Variants in SYNE1 observed in about 807,000 individuals in gnomAD.
SYNE1 encodes nesprin-1.
Under a neutral mutation model 1,111.0 loss-of-function variants are expected in SYNE1, and 616 were observed. The ratio of observed to expected loss-of-function variants is 0.55; its 90% CI spans 0.52 to 0.59. The LOEUF (loss-of-function observed/expected upper bound fraction) is 0.59. Among genes scored for constraint, SYNE1 ranks in the 20% least tolerant of loss-of-function variants. SYNE1 has a pLI of 0.00. For synonymous variants in SYNE1, 3,855 were observed against 3,825.8 expected (o/e 1.01, Z -0.28); for missense variants, 10,006 against 10,417.0 (o/e 0.96, Z 1.72).
At chr6:152,238,987 C>A (rs1320283205) in intron 108 of SYNE1, among the ~76,000 whole-genome samples, 1 of 151,916 alleles carries the variant, frequency 6.6e-6, no homozygotes, top group African/African-American at 2.4e-5. Context: ...CAACCACTGC[C>A]TCCCGGTTCA....
chr6:152,479,194 G>A (rs1008216286), intron 14 of SYNE1, among the ~76,000 whole-genome samples: 4 of 152,120 alleles, frequency 2.6e-5, no homozygotes, highest in African/African-American at 9.7e-5. Flanking sequence ...GATCCTGGGG[G>A]AAGAGGTCAA....
chr6:152,554,307 G>T (rs1263840231), intron 3 of SYNE1, among the ~76,000 whole-genome samples: 20 of 151,754 alleles, frequency 1.3e-4, no homozygotes, highest in Non-Finnish European at 1.5e-5. Flanking sequence ...ATTCAAAGGG[G>T]GTCAAGATTT....
At chr6:152,593,634 T>C (rs9479355) in intron 3 of SYNE1, among the ~76,000 whole-genome samples, 5,532 of 152,104 alleles carry the variant, frequency 0.036, 346 homozygotes, top group African/African-American at 0.13. Flanking sequence ...ATTCAAGGAC[T>C]CTATAGTTGT....
chr6:152,593,579 T>TA (rs1048753132), intron 3 of SYNE1, among the ~76,000 whole-genome samples: 201 of 146,324 alleles, frequency 1.4e-3, no homozygotes, highest in Middle Eastern at 3.4e-3. Context: ...GAGACTCCTT[T>TA]AAAAAAAAAA....
chr6:152,462,925 G>GCAT (rs769755363), intron 19 of SYNE1, 35 bp from the exon 20 acceptor site: 15 of 1,612,816 alleles, frequency 9.3e-6, no homozygotes, highest in Non-Finnish European at 1.3e-5. Flanking sequence ...CATCGTGAAA[G>GCAT]CCATTTAGCT....
Position 152,354,921 on chromosome 6 carries a change from G to T in SYNE1, c.10664C>A (p.Thr3555Asn), listed in dbSNP as rs1286347293. ...ACCTGATGGGATCACATCCTCTCTG[G>T]TGTGCAGCACTGAGTTCAACAGGGC... ...GQALLNSVLH[T>N]REDVIPSGIP... The change falls in exon 67 of 146, where the codon ACC becomes AAC. Residue 3555 changes from threonine (T) to asparagine (N), a missense_variant. By Grantham distance (65) the Thr-to-Asn change is moderately conservative. Coordinates refer to ENST00000367255, the MANE Select transcript of SYNE1 (RefSeq NM_182961.4). The T allele has an allele frequency of 1.2e-6, 2 of 1,613,972 alleles. No homozygotes were observed. The highest frequency in any genetic ancestry group is 8.5e-7 in the Non-Finnish European group (1 of 1,180,030).
chr6:152,253,384 T>A (rs2089868701), intron 104 of SYNE1, among the ~76,000 whole-genome samples: 1 of 152,214 alleles, frequency 6.6e-6, no homozygotes, highest in South Asian at 2.1e-4. Context: ...TATCAGGCAC[T>A]GTTCAGAGTA....
chr6:152,303,098 C>CTTTTTT (rs71017533), intron 91 of SYNE1, among the ~76,000 whole-genome samples: 4 of 107,082 alleles, frequency 3.7e-5, no homozygotes, highest in Admixed American at 1.1e-4. Flanking sequence ...AACTATTATT[C>CTTTTTT]TTTTTTTTTT....
chr6:152,320,248 T>C (rs2095840713), intron 84 of SYNE1: 1 of 152,230 alleles, frequency 6.6e-6, no homozygotes, highest in Admixed American at 6.5e-5. Context: ...ATCAATTAAA[T>C]ACTTAAAATA....
chr6:152,339,191 A>C (rs771355530), intron 75 of SYNE1, 50 bp downstream of exon 75: 2 of 1,605,870 alleles, frequency 1.2e-6, no homozygotes, highest in East Asian at 4.5e-5. Flanking sequence ...CATTCAAGCA[A>C]GAGAATATAA....
rs2051576496 is a variant in SYNE1 at position 152,122,310 on chromosome 6, G to A, written c.*126C>T. The A allele has an allele frequency of 3.4e-6, 5 of 1,476,964 alleles. No individual in the cohort carries two copies. The highest frequency in any genetic ancestry group is 2.4e-4 in the Middle Eastern group (1 of 4,206). 91.5% of individuals were successfully genotyped at this position (1,476,964 alleles called of 1,614,324 possible). A position where few individuals can be genotyped will look rare whatever the true frequency, so the allele number is the denominator to read the frequency against. ...TAATTTGCACACATGTGATCTGGAG[G>A]AGGGCTAAAGCTGCCACACCGAGGG... On this transcript the variant is annotated 3_prime_UTR_variant, in exon 146 of 146. Transcript: ENST00000367255.
chr6:152,407,291 A>G, intron 44 of SYNE1, 95 bp from the exon 45 acceptor site: 2 of 1,237,564 alleles, frequency 1.6e-6, no homozygotes, highest in South Asian at 2.5e-5. Flanking sequence ...TCAGAAAAGT[A>G]TATTCTGACG....
At chr6:152,627,729 G>T (rs553869434) in intron 3 of SYNE1, among the ~76,000 whole-genome samples, 16 of 152,236 alleles carry the variant, frequency 1.1e-4, no homozygotes, top group African/African-American at 2.9e-4. Flanking sequence ...AGGGATGCAG[G>T]ACTAGTCTGT....
At chr6:152,397,017 T>C in intron 49 of SYNE1, 37 bp from the exon 50 acceptor site, 2 of 1,594,878 alleles carry the variant, frequency 1.3e-6, no homozygotes, top group Non-Finnish European at 1.7e-6. Context: ...TCCATGGGAC[T>C]ATGCATTACA....
chr6:152,304,300 A>G (rs909175270), intron 91 of SYNE1, among the ~76,000 whole-genome samples: 1 of 152,310 alleles, frequency 6.6e-6, no homozygotes, highest in East Asian at 1.9e-4. Flanking sequence ...ATGGTTTGCC[A>G]TTATACAAAA....
In SYNE1 at chr6:152,353,913, A is replaced by G. The variant is rs555127253; in HGVS notation, c.10927-169T>C. On this transcript the variant is annotated intron_variant, in intron 67 of 145. Transcript: ENST00000367255. Reference sequence around the variant, plus strand: ...TCTTCATAAATATTATATTACAACAATGTGATACAAACTGTACACTTGAGT... The same window carrying G: ...TCTTCATAAATATTATATTACAACAGTGTGATACAAACTGTACACTTGAGT... Among the ~76,000 whole-genome samples the G allele has an allele frequency of 6.0e-4, 91 of 152,324 alleles. 1 individual carries two copies. The highest frequency in any genetic ancestry group is 7.5e-4 in the African/African-American group (31 of 41,574).
At chr6:152,367,091 A>T in intron 62 of SYNE1, 127 bp downstream of exon 62, 1 of 1,180,364 alleles carries the variant, frequency 8.5e-7, no homozygotes, top group Non-Finnish European at 1.3e-6. Context: ...ACAGCGTTGC[A>T]CTCACAAAGC....
At chr6:152,277,136 A>G (rs1003885573) in intron 98 of SYNE1, among the ~76,000 whole-genome samples, 1 of 151,454 alleles carries the variant, frequency 6.6e-6, no homozygotes, top group Non-Finnish European at 1.5e-5. Flanking sequence ...ATGATCTGCC[A>G]GCCTTGGCTT....
intron 105 of SYNE1, among the ~76,000 whole-genome samples, chr6:152,247,727 T>TTTTATATATATATATATATATA (rs1193626300): frequency 8.5e-6 from 1 of 117,784 alleles, no homozygotes; most frequent in African/African-American, 3.5e-5. Flanking sequence ...ATATTTTTTA[T>TTTTATATATATATATATATATA]TATATATATA....
Sources: allele counts gnomAD v4.1 joint callset (sites outside exome capture counted in the v4.1 genomes callset), GRCh38; gene constraint gnomAD v4.1.1; transcripts MANE v1.5; gene names NCBI Gene and HGNC (gene_info 2026-07-23, HGNC 2026-07-21).